The following SYTL4 variants were observed in gnomAD, a reference collection of about 807,000 sequenced individuals.
The protein encoded by SYTL4 is synaptotagmin-like protein 4.
In SYTL4, 16 loss-of-function variants were observed where a neutral mutation model predicts 52.7. The ratio of observed to expected loss-of-function variants is 0.30; its 90% CI spans 0.21 to 0.46. SYTL4 has a LOEUF of 0.46. Among genes scored for constraint, SYTL4 ranks in the 20% least tolerant of loss-of-function variants. SYTL4 has a pLI of 1.00. For synonymous variants in SYTL4, 160 were observed against 186.6 expected, an observed-to-expected ratio of 0.86 and a Z score of 1.16; for missense variants, 423 against 519.9, an observed-to-expected ratio of 0.81 and a Z score of 1.81.
intron 2 of SYTL4, among the ~76,000 whole-genome samples, chrX:100,711,548 T>C (rs969311176): frequency 9.0e-6 from 1 of 111,195 alleles, no homozygotes; most frequent in African/African-American, 3.3e-5. Context: ...TAACAGCAAA[T>C]TGGACATTAC....
intron 2 of SYTL4, among the ~76,000 whole-genome samples, chrX:100,727,537 T>A (rs182040377): frequency 4.4e-5 from 5 of 112,953 alleles, no homozygotes; most frequent in African/African-American, 1.6e-4. Flanking sequence ...CCTATTTAAA[T>A]TGTTTAATGT....
At chrX:100,692,667 C>T (rs1255321534) in intron 8 of SYTL4, among the ~76,000 whole-genome samples, 1 of 110,992 alleles carries the variant, frequency 9.0e-6, no homozygotes, top group Non-Finnish European at 1.9e-5. Flanking sequence ...GAAAAAACAT[C>T]GATTCTTCCT....
intron 2 of SYTL4, among the ~76,000 whole-genome samples, chrX:100,708,845 C>T (rs2084009750): frequency 1.8e-5 from 2 of 112,352 alleles, no homozygotes. Context: ...ATTAGGAAGA[C>T]ACAAGTAATG....
chrX:100,723,241 T>C (rs1404187309), intron 2 of SYTL4, among the ~76,000 whole-genome samples: 6 of 111,918 alleles, frequency 5.4e-5, no homozygotes, highest in African/African-American at 1.9e-4. Flanking sequence ...TGCCTCAGCC[T>C]GCCGAGTGCC....
chrX:100,700,136 A>G (rs548303738), intron 8 of SYTL4, among the ~76,000 whole-genome samples: 1 of 111,332 alleles, frequency 9.0e-6, no homozygotes, highest in East Asian at 2.8e-4. Flanking sequence ...ATTTTCTAAA[A>G]TTGATTCAAG....
chrX:100,728,771 C>T, intron 2 of SYTL4, among the ~76,000 whole-genome samples: 1 of 111,789 alleles, frequency 8.9e-6, no homozygotes, highest in Non-Finnish European at 1.9e-5. Context: ...GGAGCGGTGG[C>T]TCACGCCTGT....
chrX:100,689,376 T>TA (rs762461988), intron 12 of SYTL4, among the ~76,000 whole-genome samples: 1,679 of 89,222 alleles, frequency 0.019, 15 homozygotes, highest in Non-Finnish European at 0.028. Flanking sequence ...TGCTGTCTCT[T>TA]AAAAAAAAAA....
At chrX:100,729,149 G>A (rs1344858085) in intron 2 of SYTL4, among the ~76,000 whole-genome samples, 1 of 110,915 alleles carries the variant, frequency 9.0e-6, no homozygotes, top group Non-Finnish European at 1.9e-5. Flanking sequence ...TTTGGGCCTG[G>A]GGCAAACTTA....
At chrX:100,708,115 C>G (rs746004805) in intron 2 of SYTL4, among the ~76,000 whole-genome samples, 1 of 109,244 alleles carries the variant, frequency 9.2e-6, no homozygotes, top group South Asian at 4.1e-4. Flanking sequence ...AGGAGAAATA[C>G]CTAATGTAGA....
intron 2 of SYTL4, among the ~76,000 whole-genome samples, chrX:100,723,762 G>C (rs1204325253): frequency 9.2e-6 from 1 of 108,561 alleles, no homozygotes; most frequent in African/African-American, 3.4e-5. Context: ...GAGCCCCTCC[G>C]CCCGGCAGCC....
At position 100,701,539 on chromosome X, in the gene SYTL4, C is replaced by G; in HGVS notation, c.245G>C (p.Gly82Ala). 3.3e-6 allele frequency: 4 copies of G among 1,211,671 alleles called. No homozygotes were observed. The highest frequency in any genetic ancestry group is 4.5e-6 in the Non-Finnish European group (4 of 895,486). Residue 82 changes from glycine (G) to alanine (A), a missense_variant, in exon 6 of 20, where the codon GGT becomes GCT. Gly to Ala is a moderately conservative substitution (Grantham distance 60). Transcript: ENST00000372989. The part of the protein sequence containing the change: ...RLSPKTNTCR[G>A]CNHLVCRDCR... ...GTCCCGACACACCAGGTGATTACAA[C>G]CCCGACAAGTATTGGTTTTGGGACT...
intron 7 of SYTL4, 34 bp downstream of exon 7, chrX:100,701,186 C>T (rs745577410): frequency 8.9e-7 from 1 of 1,117,811 alleles, no homozygotes; most frequent in Non-Finnish European, 1.2e-6. Flanking sequence ...ACTAGGATTC[C>T]ATACCAAGAA....
intron 8 of SYTL4, among the ~76,000 whole-genome samples, chrX:100,694,893 T>C (rs1023729870): frequency 8.9e-6 from 1 of 112,038 alleles, no homozygotes; most frequent in African/African-American, 3.2e-5. Context: ...GCTGAAATCC[T>C]AGTACTTACA....
intron 8 of SYTL4, among the ~76,000 whole-genome samples, chrX:100,695,327 A>T (rs1027332403): frequency 2.7e-5 from 3 of 111,662 alleles, no homozygotes; most frequent in Admixed American, 1.9e-4. Flanking sequence ...CCATAATTTC[A>T]TGGGAAAGAT....
chrX:100,723,737 C>T (rs1344912716), intron 2 of SYTL4, among the ~76,000 whole-genome samples: 34 of 109,442 alleles, frequency 3.1e-4, no homozygotes, highest in African/African-American at 1.0e-3. Context: ...CCGGCCGCCC[C>T]GTCTGAGAAG....
intron 2 of SYTL4, among the ~76,000 whole-genome samples, chrX:100,723,258 C>A (rs191077141): frequency 0.097 from 10,762 of 111,387 alleles, 1,226 homozygotes; most frequent in African/African-American, 0.33. Flanking sequence ...TGCCTGCGAT[C>A]GCAGGCGCGC....
rs2083888729 is a variant in SYTL4, at chrX:100,703,077, G to C, written c.-71+16C>G. On this transcript the variant is annotated intron_variant, in intron 4 of 19. Transcript: ENST00000372989. Reference sequence around the variant, plus strand: ...TTAAAATTTTAAGAATTTTGGCTCAGCATGGAGGCTCTCACCTGTAATCCC... The same window carrying C: ...TTAAAATTTTAAGAATTTTGGCTCACCATGGAGGCTCTCACCTGTAATCCC... The C allele has an allele frequency of 9.0e-6, 1 of 111,718 alleles. No individual in the cohort carries two copies. The allele number at this position is 111,718 out of a possible 1,213,427, so 9.2% of individuals were successfully genotyped here.
chrX:100,725,856 T>A (rs1447198127), intron 2 of SYTL4, among the ~76,000 whole-genome samples: 1 of 111,324 alleles, frequency 9.0e-6, no homozygotes, highest in Non-Finnish European at 1.9e-5. Context: ...GTAAATCAAA[T>A]CACGCTTTCT....
intron 8 of SYTL4, among the ~76,000 whole-genome samples, chrX:100,692,862 T>A (rs112843866): frequency 9.0e-6 from 1 of 111,477 alleles, no homozygotes; most frequent in Non-Finnish European, 1.9e-5. Flanking sequence ...TCTAGAATTA[T>A]CCCTAAATGA....
Sources: gnomAD v4.1 joint callset for allele counts (sites outside exome capture counted in the v4.1 genomes callset) on GRCh38, gnomAD v4.1.1 for gene constraint, MANE v1.5 for transcripts, NCBI Gene and HGNC (gene_info 2026-07-23, HGNC 2026-07-21) for gene names.